Variants in BMPR1B observed in about 807,000 individuals in gnomAD.
The protein encoded by BMPR1B is bone morphogenetic protein receptor type 1B, also known as bone morphogenetic protein receptor type-1B.
In BMPR1B, 12 loss-of-function variants were observed where a neutral mutation model predicts 59.1. The observed-to-expected ratio is 0.20, with a 90% CI of 0.13 to 0.33. The LOEUF is 0.33. Ranked by LOEUF, BMPR1B falls within the 10% of genes least tolerant of loss-of-function variation. The pLI is 1.00. For synonymous variants in BMPR1B, 237 were observed against 207.3 expected, an observed-to-expected ratio of 1.14 and a Z score of -1.23; for missense variants, 550 against 610.9, an observed-to-expected ratio of 0.90 and a Z score of 1.05.
chr4:94,802,255 C>CG (rs1723436278), intron 1 of BMPR1B, among the ~76,000 whole-genome samples: 1 of 152,100 alleles, frequency 6.6e-6, no homozygotes, highest in African/African-American at 2.4e-5. Context: ...AGGAGTCTGG[C>CG]GTAGGGCTGT....
At chr4:94,855,554 C>T (rs1015535498) in intron 1 of BMPR1B, among the ~76,000 whole-genome samples, 7 of 152,096 alleles carry the variant, frequency 4.6e-5, no homozygotes, top group African/African-American at 9.7e-5. Flanking sequence ...AACAAAAATA[C>T]GGGATAATTA....
In BMPR1B at chr4:95,063,157, AAAAG is replaced by A. The variant is rs1403786812; in HGVS notation, c.-17-41246_-17-41243del. Among the ~76,000 whole-genome samples the A allele has an allele frequency of 3.3e-5, 5 of 152,194 alleles. No homozygotes were observed. The South Asian group carries it at 6.2e-4, about 19-fold the overall frequency. On this transcript the variant is annotated intron_variant, in intron 3 of 12. Coordinates refer to ENST00000515059, the MANE Select transcript of BMPR1B (RefSeq NM_001203.3). ...ATAATAAAAAAAGATCTAGGGGTAA[AAAAG>A]AAAGTGGCATTCTTATAGTTACAAT...
intron 3 of BMPR1B, among the ~76,000 whole-genome samples, chr4:95,039,585 T>A (rs753021766): frequency 7.9e-5 from 12 of 152,078 alleles, no homozygotes; most frequent in Non-Finnish European, 1.8e-4. Context: ...AGTAAGCAGG[T>A]GTGCCATGTT....
chr4:95,136,889 G>GT (rs1466046483), intron 10 of BMPR1B, among the ~76,000 whole-genome samples: 1 of 152,022 alleles, frequency 6.6e-6, no homozygotes, highest in Non-Finnish European at 1.5e-5. Context: ...TTTTTGAAGG[G>GT]TTTTTTGTGT....
At position 94,760,943 on chromosome 4, in the gene BMPR1B, G is replaced by C. The variant is rs184702314; in HGVS notation, c.-183+2875G>C. On this transcript the variant is annotated intron_variant, in intron 1 of 12. Coordinates refer to ENST00000515059, the MANE Select transcript of BMPR1B (RefSeq NM_001203.3). ...TAGACTTAGGATTGAAAGAGTCTTAGCATGTCATCACACACATTAATAATA... is the reference window on the plus strand; with the variant it reads ...TAGACTTAGGATTGAAAGAGTCTTACCATGTCATCACACACATTAATAATA... 2.6e-5 allele frequency among the ~76,000 whole-genome samples: 4 copies of C among 152,274 alleles called. No individual in the cohort carries two copies. In the East Asian group the frequency reaches 7.7e-4, roughly 29 times the overall value.
chr4:94,902,086 T>TGTGG (rs1411154828), intron 2 of BMPR1B, among the ~76,000 whole-genome samples: 3 of 111,912 alleles, frequency 2.7e-5, no homozygotes, highest in Non-Finnish European at 3.7e-5. Context: ...TGTGTGTGTG[T>TGTGG]GGGGTGTATT....
rs541749969 is a variant in BMPR1B, at chr4:94,887,224, T to C, written c.-113+11324T>C. On this transcript the variant is annotated intron_variant, in intron 2 of 12. Coordinates refer to ENST00000515059, the MANE Select transcript of BMPR1B (RefSeq NM_001203.3). ...AATAATTTTGCTGACACCTGGAATT[T>C]GCCAGATTGACCAAAAAAAAAAAAG... Among the ~76,000 whole-genome samples, 9 of 125,556 alleles carry C rather than the reference T, an allele frequency of 7.2e-5. No homozygotes were observed. The East Asian group carries it at 1.7e-3, about 23-fold the overall frequency. The allele number at this position is 125,556 out of a possible 152,430, so 82.4% of individuals were successfully genotyped here. A position where few individuals can be genotyped will look rare whatever the true frequency, so the allele number is the denominator to read the frequency against.
chr4:94,786,117 G>T (rs924699419), intron 1 of BMPR1B, among the ~76,000 whole-genome samples: 1 of 152,232 alleles, frequency 6.6e-6, no homozygotes, highest in East Asian at 1.9e-4. Context: ...ATAATAATTC[G>T]GGTATTATGG....
intron 1 of BMPR1B, among the ~76,000 whole-genome samples, chr4:94,855,128 C>T (rs148395350): frequency 2.6e-5 from 4 of 152,106 alleles, no homozygotes; most frequent in African/African-American, 9.6e-5. Flanking sequence ...TTTAAAGGAT[C>T]CTTCTTTAAA....
intron 3 of BMPR1B, among the ~76,000 whole-genome samples, chr4:94,997,356 G>A (rs562940811): frequency 2.6e-5 from 4 of 152,238 alleles, no homozygotes; most frequent in South Asian, 2.1e-4. Flanking sequence ...TGTTAGGGCT[G>A]AAATACAGAA....
chr4:95,056,128 A>C (rs2149196739), intron 3 of BMPR1B, among the ~76,000 whole-genome samples: 1 of 152,290 alleles, frequency 6.6e-6, no homozygotes, highest in South Asian at 2.1e-4. Flanking sequence ...TAATCAGCTA[A>C]GTTTTCTGTG....
intron 3 of BMPR1B, among the ~76,000 whole-genome samples, chr4:95,019,412 G>T (rs563057859): frequency 3.8e-4 from 58 of 152,270 alleles, no homozygotes; most frequent in African/African-American, 1.2e-3. Context: ...GCAAGGTTTA[G>T]CTGTGAAATG....
chr4:95,129,117 A>G (rs1412906922), intron 8 of BMPR1B, among the ~76,000 whole-genome samples: 2 of 152,214 alleles, frequency 1.3e-5, no homozygotes, highest in Non-Finnish European at 2.9e-5. Flanking sequence ...TTATCCCGCC[A>G]TAGTCACGGC....
At chr4:94,940,026 T>A (rs972321921) in intron 2 of BMPR1B, among the ~76,000 whole-genome samples, 1 of 152,238 alleles carries the variant, frequency 6.6e-6, no homozygotes, top group Non-Finnish European at 1.5e-5. Context: ...CCTTTGTTTT[T>A]GTCTAGGAGT....
chr4:94,990,456 G>A (rs1303736524), intron 2 of BMPR1B, among the ~76,000 whole-genome samples: 3 of 152,188 alleles, frequency 2.0e-5, no homozygotes, highest in African/African-American at 7.2e-5. Flanking sequence ...ATGTTCATTA[G>A]CTGATGAATG....
intron 2 of BMPR1B, among the ~76,000 whole-genome samples, chr4:94,977,668 C>T (rs2149083904): frequency 6.6e-6 from 1 of 152,086 alleles, no homozygotes; most frequent in African/African-American, 2.4e-5. Context: ...ACCAGCCTGG[C>T]CAACATAGTG....
intron 2 of BMPR1B, among the ~76,000 whole-genome samples, chr4:94,900,860 T>G (rs1727783728): frequency 6.6e-6 from 1 of 151,878 alleles, no homozygotes. Context: ...TTTGAGACAG[T>G]TTACCAAACA....
chr4:95,045,296 A>G (rs1016789421), intron 3 of BMPR1B, among the ~76,000 whole-genome samples: 2 of 152,222 alleles, frequency 1.3e-5, no homozygotes, highest in Admixed American at 1.3e-4. Context: ...CCCTTGAAAT[A>G]TAATGAGCTG....
At chr4:95,120,130 T>C (rs1036483098) in intron 6 of BMPR1B, among the ~76,000 whole-genome samples, 2 of 152,214 alleles carry the variant, frequency 1.3e-5, no homozygotes, top group Admixed American at 6.5e-5. Flanking sequence ...TTTAGTTTTC[T>C]GTTCCTTCAT....
Sources: gnomAD v4.1 joint callset for allele counts (sites outside exome capture counted in the v4.1 genomes callset) on GRCh38, gnomAD v4.1.1 for gene constraint, MANE v1.5 for transcripts, NCBI Gene and HGNC (gene_info 2026-07-23, HGNC 2026-07-21) for gene names.